The following CA10 variants were observed in gnomAD, a reference collection of about 807,000 sequenced individuals.
CA10 encodes carbonic anhydrase 10 (inactive), also known as carbonic anhydrase-related protein 10.
In CA10, 14 loss-of-function variants were observed where a neutral mutation model predicts 44.2. The ratio of observed to expected loss-of-function variants is 0.32; its 90% CI spans 0.21 to 0.50. CA10 has a LOEUF of 0.50. Ranked by LOEUF, CA10 falls within the 20% of genes least tolerant of loss-of-function variation. The pLI is 0.99. For synonymous variants in CA10, 159 were observed against 141.6 expected (o/e 1.12, Z -0.87); for missense variants, 350 against 409.7 (o/e 0.85, Z 1.26).
intron 3 of CA10, among the ~76,000 whole-genome samples, chr17:51,868,057 AACACACACACACACACACACACACAC>A (rs34631877): frequency 6.9e-6 from 1 of 144,848 alleles, no homozygotes; most frequent in South Asian, 2.3e-4. Context: ...AAGCAGGTGT[AACACACACACACACACACACACACAC>A]ACACACACAC....
chr17:51,736,052 T>C (rs1916898666), intron 4 of CA10, among the ~76,000 whole-genome samples: 1 of 152,128 alleles, frequency 6.6e-6, no homozygotes, highest in African/African-American at 2.4e-5. Context: ...CAGTTTAAAT[T>C]CTTAAATTTT....
At chr17:51,764,682 C>G (rs777008525) in intron 3 of CA10, among the ~76,000 whole-genome samples, 4 of 152,178 alleles carry the variant, frequency 2.6e-5, no homozygotes, top group Non-Finnish European at 4.4e-5. Flanking sequence ...TCCAAGGGCC[C>G]AGTACCATTC....
chr17:51,892,482 T>C (rs1980901280), intron 3 of CA10, among the ~76,000 whole-genome samples: 1 of 152,244 alleles, frequency 6.6e-6, no homozygotes, highest in Non-Finnish European at 1.5e-5. Context: ...CAGCCATTTC[T>C]CTTGCCAATG....
intron 4 of CA10, among the ~76,000 whole-genome samples, chr17:51,655,951 C>T (rs1279964904): frequency 6.6e-6 from 1 of 152,254 alleles, no homozygotes. Flanking sequence ...CTCCGCAGGA[C>T]TTTTAATCCC....
intron 2 of CA10, among the ~76,000 whole-genome samples, chr17:52,020,011 A>G (rs1285312825): frequency 1.3e-5 from 2 of 151,982 alleles, no homozygotes; most frequent in African/African-American, 2.4e-5. Flanking sequence ...GTCTCCTACT[A>G]TAATTATAGA....
intron 2 of CA10, among the ~76,000 whole-genome samples, chr17:51,946,964 TC>T (rs1429807383): frequency 1.3e-5 from 2 of 152,086 alleles, no homozygotes; most frequent in Admixed American, 1.3e-4. Flanking sequence ...GCTCTGGCTC[TC>T]ATATATTCGC....
intron 3 of CA10, among the ~76,000 whole-genome samples, chr17:51,896,385 T>A (rs34692338): frequency 0.094 from 14,272 of 152,060 alleles, 818 homozygotes; most frequent in African/African-American, 0.16. Flanking sequence ...GGATAATGAG[T>A]TCAGCTCTAT....
At chr17:52,045,985 A>G (rs1959882590) in intron 2 of CA10, among the ~76,000 whole-genome samples, 1 of 152,110 alleles carries the variant, frequency 6.6e-6, no homozygotes, top group East Asian at 1.9e-4. Flanking sequence ...TAAATAACTC[A>G]TGGGTCAAAA....
chr17:51,775,985 A>G (rs565040625), intron 3 of CA10, among the ~76,000 whole-genome samples: 6 of 152,158 alleles, frequency 3.9e-5, no homozygotes, highest in Non-Finnish European at 8.8e-5. Context: ...CAGATTGAGA[A>G]TACCCTAGGT....
chr17:52,146,224 C>A (rs1351798799), intron 1 of CA10, among the ~76,000 whole-genome samples: 2 of 152,028 alleles, frequency 1.3e-5, no homozygotes, highest in Non-Finnish European at 2.9e-5. Flanking sequence ...GCATGTTGTG[C>A]ACATGTACCC....
At chr17:51,692,096 G>GT (rs59567116) in intron 4 of CA10, among the ~76,000 whole-genome samples, 152,352 of 152,352 alleles carry the variant, frequency 1, 76,176 homozygotes, top group Non-Finnish European at 1. Flanking sequence ...TAGTTCAGAT[G>GT]TTTAACAATA....
rs555818450 is a variant in CA10, at chr17:51,668,102, G to C, written c.466-14366C>G. On this transcript the variant is annotated intron_variant, in intron 4 of 8. Coordinates refer to ENST00000451037, the MANE Select transcript of CA10 (RefSeq NM_020178.5). ...GCTCCCTCTGGGGCCTCTGTCTTTT[G>C]CCAGGGCAAAGGTTGTTTCCAGTAG... Among the ~76,000 whole-genome samples, 4 of 152,320 alleles carry C rather than the reference G, an allele frequency of 2.6e-5. No individual in the cohort carries two copies. The South Asian group carries it at 8.3e-4, about 32-fold the overall frequency.
At chr17:52,121,652 C>A (rs966181917) in intron 1 of CA10, among the ~76,000 whole-genome samples, 1 of 132,016 alleles carries the variant, frequency 7.6e-6, no homozygotes, top group Non-Finnish European at 1.6e-5. Context: ...GAATCTCTAT[C>A]TATCTCTAAA....
chr17:52,071,918 G>A (rs960541554), intron 2 of CA10, among the ~76,000 whole-genome samples: 5 of 152,154 alleles, frequency 3.3e-5, no homozygotes, highest in African/African-American at 1.2e-4. Context: ...TACTTGGCGC[G>A]ATGTGCTAAG....
Position 51,697,442 on chromosome 17 carries a change from G to A in CA10, c.466-43706C>T, listed in dbSNP as rs149178541. Among the ~76,000 whole-genome samples, 751 of 152,160 alleles carry A rather than the reference G, an allele frequency of 4.9e-3. 9 individuals carry two copies. The highest frequency in any genetic ancestry group is 0.017 in the African/African-American group (712 of 41,530). On this transcript the variant is annotated intron_variant, in intron 4 of 8. Transcript: ENST00000451037. ...CATTTTCTTCTCAGATCCCCAAATGGCTCACCACATCAAGTCTTGGCTCTC... is the reference window on the plus strand; with the variant it reads ...CATTTTCTTCTCAGATCCCCAAATGACTCACCACATCAAGTCTTGGCTCTC...
intron 3 of CA10, among the ~76,000 whole-genome samples, chr17:51,791,630 T>C (rs1831895752): frequency 6.6e-6 from 1 of 152,160 alleles, no homozygotes; most frequent in Non-Finnish European, 1.5e-5. Context: ...CTGTGGTCCA[T>C]AAGGAGATGA....
chr17:51,949,324 A>G (rs1436154960), intron 2 of CA10, among the ~76,000 whole-genome samples: 1 of 152,202 alleles, frequency 6.6e-6, no homozygotes, highest in African/African-American at 2.4e-5. Flanking sequence ...CAACTCACAG[A>G]AAAGTCTACA....
chr17:51,955,827 G>T (rs915276618), intron 2 of CA10, among the ~76,000 whole-genome samples: 2 of 152,018 alleles, frequency 1.3e-5, no homozygotes, highest in Admixed American at 6.6e-5. Context: ...GGGCCTATCA[G>T]GGGGTAGGGG....
intron 3 of CA10, among the ~76,000 whole-genome samples, chr17:51,924,827 C>T (rs1221405370): frequency 6.6e-6 from 1 of 152,168 alleles, no homozygotes; most frequent in Non-Finnish European, 1.5e-5. Context: ...GAGGGATCCT[C>T]ATGACTCAAC....
Sources: gnomAD v4.1 joint callset for allele counts (sites outside exome capture counted in the v4.1 genomes callset) on GRCh38, gnomAD v4.1.1 for gene constraint, MANE v1.5 for transcripts, NCBI Gene and HGNC (gene_info 2026-07-23, HGNC 2026-07-21) for gene names.